The following CD109 variants were observed in gnomAD, a reference collection of about 807,000 sequenced individuals.
CD109 encodes CD109 antigen.
CD109 carries 149 observed loss-of-function variants against 165.8 expected under a neutral mutation model. The ratio of observed to expected loss-of-function variants is 0.90; its 90% confidence interval spans 0.79 to 1.03. The LOEUF (loss-of-function observed/expected upper bound fraction) is 1.03, where lower values mean the gene tolerates loss of function less well. CD109 is among the 50% of genes least tolerant of loss of function. The probability of loss-of-function intolerance (pLI) is 0.00; values close to 1 mark genes in which losing one functional copy is unlikely to be tolerated. For synonymous variants in CD109, 585 were observed against 592.1 expected, an observed-to-expected ratio of 0.99 and a Z score of 0.18; for missense variants, 1,712 against 1,677.8, an observed-to-expected ratio of 1.02 and a Z score of -0.36.
intron 23 of CD109, among the ~76,000 whole-genome samples, chr6:73,797,388 A>G (rs538219426): frequency 2.0e-5 from 3 of 152,348 alleles, no homozygotes; most frequent in Admixed American, 1.3e-4. Context: ...AACCAAGTCT[A>G]ATTGAAAACA....
In CD109 at chr6:73,799,162, A is replaced by T. The variant is rs185693719; in HGVS notation, c.2879-4058A>T. 4.1e-4 allele frequency among the ~76,000 whole-genome samples: 63 copies of T among 152,286 alleles called. 1 individual carries two copies. Among genetic ancestry groups the T allele is most frequent in the Admixed American group, 4.0e-3 (61 of 15,296 alleles). On this transcript the variant is annotated intron_variant, in intron 23 of 32. Transcript: ENST00000287097. ...TCTCTGTGATCCCTGGCTGCCTCTGAAAAATGAGATAATATACTGCATTTT... is the reference window on the plus strand; with the variant it reads ...TCTCTGTGATCCCTGGCTGCCTCTGTAAAATGAGATAATATACTGCATTTT...
intron 15 of CD109, among the ~76,000 whole-genome samples, chr6:73,774,453 G>A (rs914982150): frequency 1.3e-5 from 2 of 152,178 alleles, no homozygotes; most frequent in African/African-American, 4.8e-5. Flanking sequence ...AGTAAGAGAA[G>A]GTCTCCTGAG....
In CD109 at chr6:73,823,468, G is replaced by A. The variant is rs2917887; in HGVS notation, c.4173G>A (p.Ala1391=). ...TGCTTCTTTGAACAGGGAGACAGGC[G>A]GTGAGAAGTTACAACTCTGAAGTGA... The part of the protein sequence containing the change: ...IVDYYEPRRQ[A]VRSYNSEVKL... Residue 1391 remains alanine (A), a synonymous_variant, in exon 33 of 33, where the codon GCG becomes GCA. Transcript: ENST00000287097. 4 of 1,607,304 alleles carry A rather than the reference G, an allele frequency of 2.5e-6. No homozygotes were observed. The highest frequency in any genetic ancestry group is 1.3e-5 in the African/African-American group (1 of 74,786).
Position 73,803,216 on chromosome 6 carries a change from C to G in CD109, c.2879-4C>G, listed in dbSNP as rs890113602. 2 of 1,604,318 alleles carry G rather than the reference C, an allele frequency of 1.2e-6. No homozygotes were observed. Among genetic ancestry groups the G allele is most frequent in the Non-Finnish European group, 1.7e-6 (2 of 1,172,682 alleles). On this transcript the variant is annotated splice_polypyrimidine_tract_variant and splice_region_variant and intron_variant, in intron 23 of 32. Coordinates refer to ENST00000287097, the MANE Select transcript of CD109 (RefSeq NM_133493.5). ...TTTGACTATCTGTCTATTTTTGTGT[C>G]TAGGTTACCAGAGAGAACTTCTCTA...
Position 73,785,294 on chromosome 6 carries a change from G to A in CD109, c.2224-70G>A, listed in dbSNP as rs1054198607. 8 of 787,734 alleles carry A rather than the reference G, an allele frequency of 1.0e-5. No individual in the cohort carries two copies. In the East Asian group the frequency reaches 1.3e-4, roughly 13 times the overall value. 48.8% of individuals were successfully genotyped at this position (787,734 alleles called of 1,614,324 possible). On this transcript the variant is annotated intron_variant, in intron 19 of 32. Coordinates refer to ENST00000287097, the MANE Select transcript of CD109 (RefSeq NM_133493.5). Reference sequence around the variant, plus strand: ...AAGCTTCACAGGTTTTATAAAGATTGCATTTAATTGCATAAAATGTGAAGA... The same window carrying A: ...AAGCTTCACAGGTTTTATAAAGATTACATTTAATTGCATAAAATGTGAAGA...
intron 15 of CD109, among the ~76,000 whole-genome samples, chr6:73,772,884 TC>T (rs1257366917): frequency 2.0e-5 from 3 of 151,870 alleles, no homozygotes; most frequent in African/African-American, 7.2e-5. Flanking sequence ...ACTATTTTTT[TC>T]AATCTTTTCT....
chr6:73,767,377 G>A (rs1373526151), intron 13 of CD109, among the ~76,000 whole-genome samples: 1 of 152,122 alleles, frequency 6.6e-6, no homozygotes, highest in Non-Finnish European at 1.5e-5. Flanking sequence ...TTCCTGCAAA[G>A]GACATGATTT....
At position 73,803,321 on chromosome 6, in the gene CD109, G is replaced by T; in HGVS notation, c.2960+20G>T. On this transcript the variant is annotated intron_variant, in intron 24 of 32. Transcript: ENST00000287097. Reference sequence around the variant, plus strand: ...CACTTGGTAAGTGTTTTTGCCAACTGAACAAATCCGTGTCATGGAATGGGC... The same window carrying T: ...CACTTGGTAAGTGTTTTTGCCAACTTAACAAATCCGTGTCATGGAATGGGC... 6.3e-7 allele frequency: 1 copy of T among 1,587,804 alleles called. No individual in the cohort carries two copies.
intron 2 of CD109, among the ~76,000 whole-genome samples, chr6:73,721,701 T>C (rs1032658057): frequency 6.6e-6 from 1 of 152,010 alleles, no homozygotes; most frequent in Non-Finnish European, 1.5e-5. Context: ...TAAGCAAAGC[T>C]AAGAAGTTAA....
chr6:73,771,677 A>G, intron 15 of CD109, 96 bp downstream of exon 15: 1 of 790,760 alleles, frequency 1.3e-6, no homozygotes, highest in East Asian at 3.1e-5. Context: ...AAATTTCATT[A>G]GTTCCTTTGC....
At chr6:73,767,047 T>C in intron 13 of CD109, 37 bp downstream of exon 13, 1 of 1,541,374 alleles carries the variant, frequency 6.5e-7, no homozygotes, top group Non-Finnish European at 8.9e-7. Flanking sequence ...TGATCTATTA[T>C]AGAATCATCT....
At chr6:73,808,810 GT>G (rs1775660354) in intron 26 of CD109, among the ~76,000 whole-genome samples, 1 of 8,736 alleles carries the variant, frequency 1.1e-4, no homozygotes, top group East Asian at 8.8e-4. Context: ...ATCCAGGTGT[GT>G]GTGTGTGTGT....
At chr6:73,734,048 C>T (rs143881413) in intron 4 of CD109, among the ~76,000 whole-genome samples, 1 of 152,294 alleles carries the variant, frequency 6.6e-6, no homozygotes, top group East Asian at 1.9e-4. Context: ...ATGGCTGTGT[C>T]GTAGCAGCAG....
chr6:73,710,606 A>G (rs1385815911), intron 2 of CD109, among the ~76,000 whole-genome samples: 2 of 152,044 alleles, frequency 1.3e-5, no homozygotes, highest in Non-Finnish European at 2.9e-5. Context: ...AATGTTAACT[A>G]TGTTGTACCT....
intron 19 of CD109, 54 bp downstream of exon 19, chr6:73,783,878 G>T: frequency 1.0e-6 from 1 of 958,376 alleles, no homozygotes; most frequent in East Asian, 2.5e-5. Flanking sequence ...AGCTAATACA[G>T]CGTCAGCTCC....
At chr6:73,684,610 G>T in the CD109 span, among the ~76,000 whole-genome samples, 23 of 151,954 alleles carry the variant, frequency 1.5e-4, no homozygotes, top group Non-Finnish European at 2.6e-4. Context: ...ATGATTAGTG[G>T]TATTGAACAT....
intron 17 of CD109, 67 bp from the exon 18 acceptor site, chr6:73,782,547 A>G (rs767501306): frequency 7.7e-5 from 111 of 1,445,818 alleles, no homozygotes; most frequent in Non-Finnish European, 1.0e-4. Flanking sequence ...TTCATTTTGT[A>G]TGTGGAGTTT....
At position 73,762,465 on chromosome 6, in the gene CD109, T is replaced by C. The variant is rs770524771; in HGVS notation, c.840T>C (p.Ile280=). The part of the protein sequence containing the change: ...PLSFWGKKKN[I]TKTFKINGSA... The stretch of plus-strand genomic sequence containing the variant: ...CCTTTTGGGGAAAGAAGAAAAATAT[T>C]ACAAAAACATTTAAGGTAACTTTTG... The change falls in exon 8 of 33, where the codon ATT becomes ATC. Residue 280 remains isoleucine, a synonymous_variant. Transcript: ENST00000287097. 1.2e-5 allele frequency: 20 copies of C among 1,601,520 alleles called. No individual in the cohort carries two copies. In the South Asian group the frequency reaches 2.0e-4, roughly 16 times the overall value.
At chr6:73,730,015 A>C (rs1262760761) in intron 3 of CD109, among the ~76,000 whole-genome samples, 1 of 152,146 alleles carries the variant, frequency 6.6e-6, no homozygotes, top group African/African-American at 2.4e-5. Context: ...AAGAAGGTTG[A>C]AGGATGTTAG....
Sources: gnomAD v4.1 joint callset for allele counts (sites outside exome capture counted in the v4.1 genomes callset) on GRCh38, gnomAD v4.1.1 for gene constraint, MANE v1.5 for transcripts, NCBI Gene and HGNC (gene_info 2026-07-23, HGNC 2026-07-21) for gene names.